Variants in CTNNA2 observed in about 807,000 individuals in gnomAD.
The protein encoded by CTNNA2 is catenin alpha-2.
CTNNA2 carries 42 observed loss-of-function variants against 101.0 expected under a neutral mutation model. The observed-to-expected ratio is 0.42, with a 90% CI of 0.32 to 0.54. The LOEUF (loss-of-function observed/expected upper bound fraction) is 0.54, where lower values mean the gene tolerates loss of function less well. CTNNA2 is among the 20% of genes least tolerant of loss of function. The pLI is 0.14. For synonymous variants in CTNNA2, 450 were observed against 456.4 expected, an observed-to-expected ratio of 0.99 and a Z score of 0.18; for missense variants, 871 against 1,223.1, an observed-to-expected ratio of 0.71 and a Z score of 4.29.
intron 4 of CTNNA2, among the ~76,000 whole-genome samples, chr2:79,449,368 T>C (rs1393433403): frequency 6.6e-6 from 1 of 152,016 alleles, no homozygotes; most frequent in East Asian, 1.9e-4. Context: ...ATGGGTCTCA[T>C]GCCAACATCA....
chr2:79,433,051 C>G (rs1014518428), intron 4 of CTNNA2, among the ~76,000 whole-genome samples: 1 of 152,174 alleles, frequency 6.6e-6, no homozygotes, highest in South Asian at 2.1e-4. Flanking sequence ...GAAGCCGATG[C>G]CAGCATGTGG....
At chr2:79,907,173 A>G (rs1685480518) in intron 6 of CTNNA2, among the ~76,000 whole-genome samples, 2 of 152,236 alleles carry the variant, frequency 1.3e-5, no homozygotes. Context: ...AAAGCAGAAC[A>G]TATGGTTTTC....
intron 3 of CTNNA2, among the ~76,000 whole-genome samples, chr2:79,328,723 G>A (rs969582600): frequency 6.6e-6 from 1 of 152,126 alleles, no homozygotes; most frequent in African/African-American, 2.4e-5. Context: ...CTATTACAAT[G>A]GGCCTGTCCT....
intron 9 of CTNNA2, among the ~76,000 whole-genome samples, chr2:80,537,151 C>T (rs1279034612): frequency 6.6e-6 from 1 of 152,100 alleles, no homozygotes; most frequent in Non-Finnish European, 1.5e-5. Flanking sequence ...GTTCAACTCC[C>T]ACTTATGAGT....
At chr2:80,298,791 AT>A (rs1675989363) in intron 7 of CTNNA2, 1 of 152,176 alleles carries the variant, frequency 6.6e-6, no homozygotes, top group African/African-American at 2.4e-5. Context: ...TTCCTTTGCG[AT>A]GGTAACTTTG....
At chr2:79,305,910 G>A (rs778441458) in intron 2 of CTNNA2, among the ~76,000 whole-genome samples, 10 of 151,948 alleles carry the variant, frequency 6.6e-5, no homozygotes, top group Non-Finnish European at 1.3e-4. Context: ...GCTGGGCATG[G>A]TGGCGGGCAC....
At chr2:79,953,008 A>T (rs1688989612) in intron 7 of CTNNA2, among the ~76,000 whole-genome samples, 1 of 152,222 alleles carries the variant, frequency 6.6e-6, no homozygotes, top group Admixed American at 6.5e-5. Context: ...ATGTCTCAGG[A>T]TGTAGCCCTG....
Position 80,628,765 on chromosome 2 carries a change from C to G in CTNNA2, c.2574+9537C>G, listed in dbSNP as rs139007513. Among the ~76,000 whole-genome samples the G allele has an allele frequency of 3.8e-3, 572 of 152,130 alleles. 6 individuals carry two copies. The highest frequency in any genetic ancestry group is 0.013 in the African/African-American group (541 of 41,500). On this transcript the variant is annotated intron_variant, in intron 18 of 18. Coordinates refer to ENST00000402739, the MANE Select transcript of CTNNA2 (RefSeq NM_001282597.3). The stretch of plus-strand genomic sequence containing the variant: ...GGGCTTTGTTTCCCAGTAGCCTTCC[C>G]TTGCTGAGTTATACTGGCAGATAGA...
At chr2:79,896,855 G>C (rs1684747383) in intron 6 of CTNNA2, among the ~76,000 whole-genome samples, 1 of 152,196 alleles carries the variant, frequency 6.6e-6, no homozygotes, top group Non-Finnish European at 1.5e-5. Flanking sequence ...GGCTGAAACA[G>C]TCAGCAGAGA....
chr2:79,978,155 C>G (rs1193829211), intron 7 of CTNNA2, among the ~76,000 whole-genome samples: 17 of 152,054 alleles, frequency 1.1e-4, no homozygotes, highest in Non-Finnish European at 2.4e-4. Flanking sequence ...ATAGTTTTAA[C>G]TTAGGGAATT....
intron 7 of CTNNA2, among the ~76,000 whole-genome samples, chr2:80,064,127 T>C (rs1318563): frequency 0.87 from 132,158 of 152,266 alleles, 58,235 homozygotes; most frequent in African/African-American, 0.96. Context: ...TACTCAAATC[T>C]TTGTTGCCCA....
chr2:79,636,393 A>C (rs542908339), intron 1 of CTNNA2, among the ~76,000 whole-genome samples: 25 of 152,022 alleles, frequency 1.6e-4, no homozygotes, highest in African/African-American at 5.8e-4. Context: ...GCAGACAGAG[A>C]TGAGACACAG....
intron 2 of CTNNA2, among the ~76,000 whole-genome samples, chr2:79,708,712 T>G (rs149624705): frequency 1.0e-3 from 159 of 152,288 alleles, no homozygotes; most frequent in African/African-American, 3.7e-3. Context: ...TTCAGAAAAT[T>G]GTATCATTTT....
At chr2:79,632,089 C>A (rs1679734304) in intron 1 of CTNNA2, among the ~76,000 whole-genome samples, 1 of 152,012 alleles carries the variant, frequency 6.6e-6, no homozygotes, top group Non-Finnish European at 1.5e-5. Context: ...TATCTTTTGT[C>A]TTTCTTTCAA....
intron 8 of CTNNA2, among the ~76,000 whole-genome samples, chr2:80,402,728 G>A (rs1678668874): frequency 6.7e-6 from 1 of 148,988 alleles, no homozygotes; most frequent in Non-Finnish European, 1.5e-5. Context: ...AGGGGCAATG[G>A]CAAATTTATA....
intron 6 of CTNNA2, among the ~76,000 whole-genome samples, chr2:79,884,049 C>G (rs1312576753): frequency 1.3e-5 from 2 of 152,146 alleles, no homozygotes; most frequent in Non-Finnish European, 2.9e-5. Flanking sequence ...AAAGTGACAC[C>G]ATTTGCAAAG....
intron 3 of CTNNA2, chr2:79,312,889 T>C (rs1431632643): frequency 6.6e-6 from 1 of 152,202 alleles, no homozygotes; most frequent in African/African-American, 2.4e-5. Flanking sequence ...AAGAAATGAG[T>C]TCCTTTTTTT....
At chr2:80,010,118 C>G (rs978534467) in intron 7 of CTNNA2, among the ~76,000 whole-genome samples, 1 of 152,118 alleles carries the variant, frequency 6.6e-6, no homozygotes, top group African/African-American at 2.4e-5. Flanking sequence ...GCTCCCTACC[C>G]CTTCTCATCT....
intron 12 of CTNNA2, 137 bp downstream of exon 12, chr2:80,556,030 G>C: frequency 1.9e-6 from 1 of 527,780 alleles, no homozygotes; most frequent in East Asian, 3.3e-5. Context: ...TGGAATACTT[G>C]AGTGTTCTCT....
Sources: allele counts gnomAD v4.1 joint callset (sites outside exome capture counted in the v4.1 genomes callset), GRCh38; gene constraint gnomAD v4.1.1; transcripts MANE v1.5; gene names NCBI Gene and HGNC (gene_info 2026-07-23, HGNC 2026-07-21).